NAV2: variants seen among roughly 807,000 people sequenced by gnomAD.
NAV2 encodes the protein helicase, APC down-regulated 1.
In NAV2, 54 loss-of-function variants were observed where a neutral mutation model predicts 223.2. That is an observed-to-expected ratio of 0.24 (90% CI 0.19 to 0.30). The LOEUF is 0.30. Ranked by LOEUF, NAV2 falls within the 10% of genes least tolerant of loss-of-function variation. The pLI, the probability that NAV2 is intolerant of heterozygous loss-of-function variation, is 1.00. For missense variants in NAV2, 2,806 were observed against 3,147.5 expected (o/e 0.89, Z 2.60); for synonymous variants, 1,279 against 1,239.3 (o/e 1.03, Z -0.67).
chr11:19,620,360 A>G (rs1357785618), intron 1 of NAV2, among the ~76,000 whole-genome samples: 1 of 152,080 alleles, frequency 6.6e-6, no homozygotes, highest in Non-Finnish European at 1.5e-5. Context: ...AAGAATGGCC[A>G]TTTTCATGAT....
At chr11:19,954,284 GC>G (rs1198653845) in intron 10 of NAV2, among the ~76,000 whole-genome samples, 2 of 152,172 alleles carry the variant, frequency 1.3e-5, no homozygotes, top group Non-Finnish European at 2.9e-5. Context: ...TTCCACAGTG[GC>G]TTTTTAGGGG....
chr11:19,986,045 A>G (rs979024689), intron 11 of NAV2, among the ~76,000 whole-genome samples: 6 of 152,244 alleles, frequency 3.9e-5, no homozygotes, highest in African/African-American at 1.4e-4. Context: ...TAGTAAATCT[A>G]TCCACATAAA....
At chr11:19,613,779 A>G (rs1055075018) in intron 1 of NAV2, among the ~76,000 whole-genome samples, 8 of 152,180 alleles carry the variant, frequency 5.3e-5, no homozygotes, top group Non-Finnish European at 8.8e-5. Context: ...CCCCAGTTTC[A>G]TCCATAATAA....
At position 19,695,592 on chromosome 11, in the gene NAV2, C is replaced by G. The variant is rs539889664; in HGVS notation, c.76-136892C>G. Among the ~76,000 whole-genome samples, 19 of 152,148 alleles carry G rather than the reference C, an allele frequency of 1.2e-4. No homozygotes were observed. The South Asian group carries it at 3.7e-3, about 30-fold the overall frequency. On this transcript the variant is annotated intron_variant, in intron 1 of 37. Transcript: ENST00000360655. ...AAGAGTTTTGTCCCTTCTGGTTTAC[C>G]ATTTGAGTTCTGTCTAAAGACACTG... is the stretch of plus-strand genomic sequence containing the variant.
At position 19,919,614 on chromosome 11, in the gene NAV2, G is replaced by T. The variant is rs528263636; in HGVS notation, c.932-13562G>T. Among the ~76,000 whole-genome samples, 84 of 152,294 alleles carry T rather than the reference G, an allele frequency of 5.5e-4. 1 individual carries two copies. The highest frequency in any genetic ancestry group is 1.0e-3 in the Non-Finnish European group (71 of 68,032). ...CAGTTCTCCCTTTCTCCATAGAGTT[G>T]GGTTAGAGACCTGGTCCCATCTTGC... On this transcript the variant is annotated intron_variant, in intron 6 of 37. Transcript: ENST00000349880.
intron 6 of NAV2, among the ~76,000 whole-genome samples, chr11:19,915,751 G>T (rs904677657): frequency 6.6e-6 from 1 of 152,170 alleles, no homozygotes; most frequent in South Asian, 2.1e-4. Flanking sequence ...TGGTTATCTT[G>T]TTGGTCCTTC....
chr11:19,414,358 A>G (rs1274607384), intron 1 of NAV2, among the ~76,000 whole-genome samples: 1 of 152,256 alleles, frequency 6.6e-6, no homozygotes, highest in Non-Finnish European at 1.5e-5. Context: ...AGGGCATTAC[A>G]TAATGGTAAA....
chr11:19,629,798 C>G (rs2047293551), intron 1 of NAV2, among the ~76,000 whole-genome samples: 1 of 152,204 alleles, frequency 6.6e-6, no homozygotes, highest in South Asian at 2.1e-4. Context: ...TCACACCCTG[C>G]ACTTTCCCGC....
chr11:19,379,779 T>A (rs558875187), intron 1 of NAV2, among the ~76,000 whole-genome samples: 1 of 152,148 alleles, frequency 6.6e-6, no homozygotes, highest in Non-Finnish European at 1.5e-5. Context: ...GCATTCTCCT[T>A]TTTTTCTGTT....
chr11:19,961,750 AG>A (rs1431909656), intron 10 of NAV2, among the ~76,000 whole-genome samples: 14 of 152,216 alleles, frequency 9.2e-5, no homozygotes, highest in African/African-American at 3.4e-4. Flanking sequence ...TGTTTGGCAC[AG>A]GTAGCATGGT....
chr11:19,661,979 T>C (rs1396369902), intron 1 of NAV2, among the ~76,000 whole-genome samples: 1 of 152,164 alleles, frequency 6.6e-6, no homozygotes, highest in Non-Finnish European at 1.5e-5. Context: ...CCCCAATCAA[T>C]TGCTACTGGC....
intron 1 of NAV2, among the ~76,000 whole-genome samples, chr11:19,417,535 G>A (rs946710756): frequency 3.9e-5 from 6 of 152,188 alleles, no homozygotes; most frequent in Admixed American, 2.6e-4. Flanking sequence ...AAGGCAGTGC[G>A]GTGATTCCTC....
intron 1 of NAV2, among the ~76,000 whole-genome samples, chr11:19,807,705 C>T (rs776390010): frequency 2.6e-5 from 4 of 152,228 alleles, no homozygotes; most frequent in Non-Finnish European, 5.9e-5. Context: ...CTGAAGTTCT[C>T]ACCCACCCAC....
rs2046082343 is a variant in NAV2, at chr11:19,592,274, AC to A, written c.76-240208del. ...TTGTTACTGTTGTTTAAGCACTCCC[AC>A]CGCTTAATGATCAGGTTCTCTCTGC... On this transcript the variant is annotated intron_variant, in intron 1 of 37. Coordinates refer to the NAV2 transcript ENST00000360655. Among the ~76,000 whole-genome samples the A allele has an allele frequency of 2.0e-5, 3 of 151,874 alleles. No homozygotes were observed. The South Asian group carries it at 6.3e-4, about 32-fold the overall frequency.
chr11:20,061,368 G>C (rs367985473), intron 19 of NAV2, among the ~76,000 whole-genome samples: 2 of 93,636 alleles, frequency 2.1e-5, no homozygotes, highest in Admixed American at 2.0e-4. Context: ...CTGGGAGTTC[G>C]AGAGCAGCCT....
In NAV2 at chr11:19,642,595, C is replaced by T. The variant is rs545889754; in HGVS notation, c.76-189889C>T. 9.9e-5 allele frequency among the ~76,000 whole-genome samples: 15 copies of T among 152,250 alleles called. No homozygotes were observed. In the South Asian group the frequency reaches 1.0e-3, roughly 11 times the overall value. On this transcript the variant is annotated intron_variant, in intron 1 of 37. Coordinates refer to the NAV2 transcript ENST00000360655. ...CCTGGGCTCTCTGGATGTGCCAAGGCGCTGTACATGGAGTCAACAGCTTTG... is the reference window on the plus strand; with the variant it reads ...CCTGGGCTCTCTGGATGTGCCAAGGTGCTGTACATGGAGTCAACAGCTTTG...
intron 10 of NAV2, among the ~76,000 whole-genome samples, chr11:19,966,223 T>C (rs919708576): frequency 6.6e-6 from 1 of 152,208 alleles, no homozygotes; most frequent in Non-Finnish European, 1.5e-5. Context: ...TCACCTTGCA[T>C]GTGGGATCCA....
chr11:20,026,780 C>T (rs2055124492), intron 11 of NAV2, among the ~76,000 whole-genome samples: 1 of 152,160 alleles, frequency 6.6e-6, no homozygotes, highest in African/African-American at 2.4e-5. Context: ...TCAGCCTCAA[C>T]ATTTCTTAGT....
At chr11:20,022,956 C>T in intron 11 of NAV2, 1 of 1,371,832 alleles carries the variant, frequency 7.3e-7, no homozygotes, top group Non-Finnish European at 9.9e-7. Flanking sequence ...ATGGTGATCC[C>T]TGCTAGCTAG....
Sources: allele counts gnomAD v4.1 joint callset (sites outside exome capture counted in the v4.1 genomes callset), GRCh38; gene constraint gnomAD v4.1.1; transcripts MANE v1.5; gene names NCBI Gene and HGNC (gene_info 2026-07-23, HGNC 2026-07-21).